The following PCSK6 variants were observed in gnomAD, a reference collection of about 807,000 sequenced individuals.
PCSK6 encodes the protein paired basic amino acid cleaving enzyme 4.
A neutral mutation model predicts 123.3 loss-of-function variants in PCSK6; 85 were observed. The ratio of observed to expected loss-of-function variants is 0.69; its 90% CI spans 0.58 to 0.83. The LOEUF (loss-of-function observed/expected upper bound fraction) is 0.83, where lower values mean the gene tolerates loss of function less well. Ranked by LOEUF, PCSK6 falls within the 40% of genes least tolerant of loss-of-function variation. PCSK6 has a pLI of 0.00. For synonymous variants in PCSK6, 508 were observed against 516.0 expected (o/e 0.98, Z 0.21); for missense variants, 1,191 against 1,282.3 (o/e 0.93, Z 1.09).
At chr15:101,389,430 T>G in intron 9 of PCSK6, 34 bp downstream of exon 9, 3 of 1,223,260 alleles carry the variant, frequency 2.5e-6, no homozygotes, top group Non-Finnish European at 2.3e-6. Context: ...TCTAAACATT[T>G]TTTTTTTTTA....
chr15:101,372,659 GGTAC>G (rs1430476620), intron 11 of PCSK6, among the ~76,000 whole-genome samples: 1 of 152,098 alleles, frequency 6.6e-6, no homozygotes. Context: ...ATGTAAGGTG[GGTAC>G]GTTAGGGAGA....
chr15:101,346,299 A>G (rs934746908), intron 13 of PCSK6: 1 of 152,292 alleles, frequency 6.6e-6, no homozygotes. Flanking sequence ...AGCAATCTAC[A>G]TGTCCAACAA....
At chr15:101,469,552 G>C (rs1345840020) in intron 1 of PCSK6, among the ~76,000 whole-genome samples, 2 of 152,196 alleles carry the variant, frequency 1.3e-5, no homozygotes, top group Non-Finnish European at 2.9e-5. Flanking sequence ...TCAGGCAAGA[G>C]GGTCCTCTTT....
At chr15:101,475,819 G>A (rs1396064184) in intron 1 of PCSK6, among the ~76,000 whole-genome samples, 1 of 152,044 alleles carries the variant, frequency 6.6e-6, no homozygotes, top group Non-Finnish European at 1.5e-5. Flanking sequence ...TAACAATGAG[G>A]GAAAAGAAGC....
intron 13 of PCSK6, chr15:101,347,915 C>A: frequency 1.5e-6 from 1 of 675,486 alleles, no homozygotes; most frequent in South Asian, 1.7e-5. Flanking sequence ...TTCAAGCTGG[C>A]TGCAGCTCCA....
At chr15:101,431,939 G>C (rs1183738708) in intron 3 of PCSK6, 51 bp downstream of exon 3, 4 of 1,284,258 alleles carry the variant, frequency 3.1e-6, no homozygotes, top group East Asian at 4.7e-5. Context: ...CCATTTCAGA[G>C]ACCTGGCAGT....
At chr15:101,335,334 T>C (rs1331118036) in intron 13 of PCSK6, among the ~76,000 whole-genome samples, 1 of 152,216 alleles carries the variant, frequency 6.6e-6, no homozygotes, top group Non-Finnish European at 1.5e-5. Context: ...AAAAGTTTAA[T>C]GTTTAAAATC....
At chr15:101,356,245 G>A (rs1262214816) in intron 13 of PCSK6, among the ~76,000 whole-genome samples, 1 of 151,366 alleles carries the variant, frequency 6.6e-6, no homozygotes, top group East Asian at 1.9e-4. Context: ...CAGGCTCTGT[G>A]CGTAACGGCT....
At position 101,398,506 on chromosome 15, in the gene PCSK6, G is replaced by A. The variant is rs772664120; in HGVS notation, c.894C>T (p.Tyr298=). The change falls in exon 7 of 22, where the codon TAC becomes TAT. Residue 298 remains tyrosine, a synonymous_variant. Transcript: ENST00000611716. This position sits in a 1 kb window ranked among gnomAD's most constrained non-coding sequence, Gnocchi z 4.6. ...EAKSLGIRPN[Y]IDIYSASWGP... ...CCCAGCTGGCACTGTAAATGTCGAT[G>A]TAGTTGGGTCTGATGCCCAGCGACT... The A allele has an allele frequency of 1.6e-5, 26 of 1,613,864 alleles. No homozygotes were observed. The Admixed American group carries it at 3.8e-4, about 24-fold the overall frequency.
rs1457948230 is a variant in PCSK6 at position 101,304,899 on chromosome 15, T to C, written c.*359A>G. The C allele has an allele frequency of 5.0e-6, 1 of 201,810 alleles. No individual in the cohort carries two copies. Among genetic ancestry groups the C allele is most frequent in the Non-Finnish European group, 1.0e-5 (1 of 99,082 alleles). 12.5% of individuals were successfully genotyped at this position (201,810 alleles called of 1,614,324 possible). A position where few individuals can be genotyped will look rare whatever the true frequency, so the allele number is the denominator to read the frequency against. ...CCGCAGAAAAGCACGGGGAGAAGAG[T>C]GATGTGTGATGCCAAGCGCCTTTCT... is the stretch of plus-strand genomic sequence containing the variant. On this transcript the variant is annotated 3_prime_UTR_variant, in exon 22 of 22. Coordinates refer to ENST00000611716, the MANE Select transcript of PCSK6 (RefSeq NM_002570.5).
chr15:101,374,339 A>G (rs181867452), intron 11 of PCSK6, among the ~76,000 whole-genome samples: 70 of 152,290 alleles, frequency 4.6e-4, no homozygotes, highest in Non-Finnish European at 1.3e-4. Context: ...AATATTTTCA[A>G]GTAACCGAGT....
chr15:101,347,682 G>A lies in PCSK6; in HGVS notation c.1859-15651C>T, dbSNP rs1402745051. On this transcript the variant is annotated intron_variant, in intron 13 of 21. Transcript: ENST00000611716. ...AAAGGCAGCCAAAGTTCTAAATGTG[G>A]TGGCTTTGGTCATCTGTCCCTCTGC... 3 of 1,602,914 alleles carry A rather than the reference G, an allele frequency of 1.9e-6. No homozygotes were observed. The South Asian group carries it at 3.3e-5, about 18-fold the overall frequency.
chr15:101,368,766 C>G (rs2041481650), intron 12 of PCSK6, among the ~76,000 whole-genome samples: 2 of 152,218 alleles, frequency 1.3e-5, no homozygotes. Flanking sequence ...ACTCGCCCAC[C>G]TGCTCAGCTC....
chr15:101,449,192 C>A (rs1227696779), intron 1 of PCSK6, among the ~76,000 whole-genome samples: 1 of 152,158 alleles, frequency 6.6e-6, no homozygotes, highest in Non-Finnish European at 1.5e-5. Context: ...CTACACACAT[C>A]CTCCAATACT....
At chr15:101,377,167 G>A (rs544607439) in intron 11 of PCSK6, among the ~76,000 whole-genome samples, 1 of 152,342 alleles carries the variant, frequency 6.6e-6, no homozygotes, top group South Asian at 2.1e-4. Context: ...TTGCCCAGCT[G>A]ACCTGCCGCA....
chr15:101,428,416 GA>G (rs1329907214), intron 5 of PCSK6, among the ~76,000 whole-genome samples: 2 of 152,160 alleles, frequency 1.3e-5, no homozygotes, highest in East Asian at 3.9e-4. Flanking sequence ...ATGAAAGAAG[GA>G]ACAGTCTGGT....
At chr15:101,416,555 G>A (rs540697640) in intron 6 of PCSK6, among the ~76,000 whole-genome samples, 36 of 152,340 alleles carry the variant, frequency 2.4e-4, no homozygotes, top group African/African-American at 8.2e-4. Context: ...CCAAGACCAT[G>A]GGAAAATGTC....
At chr15:101,379,185 C>T (rs558852208) in intron 11 of PCSK6, among the ~76,000 whole-genome samples, 1 of 152,380 alleles carries the variant, frequency 6.6e-6, no homozygotes, top group Non-Finnish European at 1.5e-5. Flanking sequence ...TTTGACTCTT[C>T]CTGTCAGTCA....
chr15:101,367,106 C>A (rs1482290606), intron 12 of PCSK6, among the ~76,000 whole-genome samples: 1 of 152,174 alleles, frequency 6.6e-6, no homozygotes, highest in Non-Finnish European at 1.5e-5. Context: ...CCTGATGAGC[C>A]TCCCTTTACC....
Sources: gnomAD v4.1 joint callset for allele counts (sites outside exome capture counted in the v4.1 genomes callset) on GRCh38, gnomAD v4.1.1 for gene constraint, Gnocchi (gnomAD v3.1) non-coding constraint, MANE v1.5 for transcripts, NCBI Gene and HGNC (gene_info 2026-07-23, HGNC 2026-07-21) for gene names.